Variants in GAB1 observed in about 807,000 individuals in gnomAD.
The protein encoded by GAB1 is GRB2 associated binding protein 1, also known as GRB2-associated-binding protein 1.
In GAB1, 19 loss-of-function variants were observed where a neutral mutation model predicts 66.5. That is an observed-to-expected ratio of 0.29 (90% CI 0.20 to 0.42). The LOEUF is 0.42. Ranked by LOEUF, GAB1 falls within the 10% of genes least tolerant of loss-of-function variation. The pLI is 1.00. For synonymous variants in GAB1, 294 were observed against 301.4 expected, an observed-to-expected ratio of 0.98 and a Z score of 0.25; for missense variants, 732 against 858.5, an observed-to-expected ratio of 0.85 and a Z score of 1.84.
intron 9 of GAB1, 125 bp from the exon 10 acceptor site, chr4:143,468,904 CAA>C (rs1035406919): frequency 8.6e-5 from 82 of 952,868 alleles, no homozygotes; most frequent in Non-Finnish European, 1.2e-4. Flanking sequence ...TCCTGGGCAA[CAA>C]GAGCAAAACT....
chr4:143,433,834 G>T (rs972072524), intron 3 of GAB1, 118 bp downstream of exon 3: 5 of 770,034 alleles, frequency 6.5e-6, no homozygotes, highest in Non-Finnish European at 1.1e-5. Flanking sequence ...GAGACCATCT[G>T]TATAGGCATA....
At chr4:143,444,731 AC>A (rs1263003172) in intron 6 of GAB1, among the ~76,000 whole-genome samples, 1 of 152,092 alleles carries the variant, frequency 6.6e-6, no homozygotes, top group Non-Finnish European at 1.5e-5. Flanking sequence ...TGAACATAGC[AC>A]CCAATCGTTA....
chr4:143,448,239 A>G (rs1312520578), intron 6 of GAB1, among the ~76,000 whole-genome samples: 1 of 151,742 alleles, frequency 6.6e-6, no homozygotes, highest in Non-Finnish European at 1.5e-5. Flanking sequence ...AAGGATATTG[A>G]TCTAAAATTC....
intron 1 of GAB1, among the ~76,000 whole-genome samples, chr4:143,397,477 G>T (rs576907641): frequency 6.6e-6 from 1 of 152,012 alleles, no homozygotes; most frequent in Non-Finnish European, 1.5e-5. Context: ...CTGCTGCTTC[G>T]TTGTTTTGTT....
intron 8 of GAB1, 36 bp from the exon 9 acceptor site, chr4:143,466,067 T>C (rs781486238): frequency 1.6e-5 from 26 of 1,610,198 alleles, no homozygotes; most frequent in Non-Finnish European, 2.2e-5. Context: ...GTCTGGTGAA[T>C]GTCTGACCGT....
intron 1 of GAB1, among the ~76,000 whole-genome samples, chr4:143,411,217 G>A (rs1238497829): frequency 1.3e-5 from 2 of 152,146 alleles, no homozygotes; most frequent in Non-Finnish European, 2.9e-5. Flanking sequence ...TGTAGGCACA[G>A]GGGGCAGTCA....
intron 1 of GAB1, among the ~76,000 whole-genome samples, chr4:143,376,242 G>A (rs1043036633): frequency 2.6e-5 from 4 of 152,162 alleles, no homozygotes; most frequent in African/African-American, 9.7e-5. Flanking sequence ...GGCTTGTAGG[G>A]TTATTTGTTT....
intron 6 of GAB1, among the ~76,000 whole-genome samples, chr4:143,454,661 T>A (rs1735087591): frequency 6.6e-6 from 1 of 152,196 alleles, no homozygotes; most frequent in Non-Finnish European, 1.5e-5. Flanking sequence ...CACCAGGGTT[T>A]GTGGAAATGT....
chr4:143,385,741 A>C (rs71610439), intron 1 of GAB1, among the ~76,000 whole-genome samples: 4,809 of 152,336 alleles, frequency 0.032, 81 homozygotes, highest in South Asian at 0.059. Context: ...GCCAGCAGAC[A>C]CCCTGCTAGA....
At chr4:143,351,502 G>GT (rs1340465093) in intron 1 of GAB1, among the ~76,000 whole-genome samples, 1 of 152,132 alleles carries the variant, frequency 6.6e-6, no homozygotes, top group Non-Finnish European at 1.5e-5. Flanking sequence ...GGTCTGGGGG[G>GT]TTTTTATAGG....
In GAB1 at chr4:143,413,390, C is replaced by A. The variant is rs569967639; in HGVS notation, c.73-2087C>A. ...ATCATGTGAATCCAACACTTTATGA[C>A]TTTTCAATATTATCTAAAACATCTA... On this transcript the variant is annotated intron_variant, in intron 1 of 9. Transcript: ENST00000262994. Among the ~76,000 whole-genome samples, 412 of 152,258 alleles carry A rather than the reference C, an allele frequency of 2.7e-3. 1 individual carries two copies. The highest frequency in any genetic ancestry group is 9.2e-3 in the African/African-American group (384 of 41,544).
intron 1 of GAB1, chr4:143,350,181 T>G (rs1013586912): frequency 1.5e-6 from 1 of 660,536 alleles, no homozygotes; most frequent in Non-Finnish European, 2.6e-6. Context: ...TTTTGTGTGC[T>G]CCTAAATGTA....
intron 3 of GAB1, among the ~76,000 whole-genome samples, chr4:143,436,142 A>G (rs1352025668): frequency 6.6e-6 from 1 of 152,218 alleles, no homozygotes; most frequent in African/African-American, 2.4e-5. Flanking sequence ...AGATGGAGAA[A>G]ACAAAAGCTT....
intron 2 of GAB1, chr4:143,425,444 A>G: frequency 2.6e-6 from 2 of 759,786 alleles, no homozygotes; most frequent in Non-Finnish European, 4.8e-6. Context: ...CCAGCCTCTC[A>G]TAGAGAGAGG....
At chr4:143,393,343 A>T (rs1731280012) in intron 1 of GAB1, among the ~76,000 whole-genome samples, 1 of 152,078 alleles carries the variant, frequency 6.6e-6, no homozygotes, top group African/African-American at 2.4e-5. Context: ...GTCCTCTGTC[A>T]TAGACAAATA....
intron 1 of GAB1, among the ~76,000 whole-genome samples, chr4:143,383,282 C>T (rs1730733435): frequency 6.6e-6 from 1 of 152,178 alleles, no homozygotes. Flanking sequence ...TGAGACTTGA[C>T]ATGCAGTTTA....
intron 1 of GAB1, chr4:143,349,686 CA>C: frequency 6.5e-7 from 1 of 1,535,504 alleles, no homozygotes; most frequent in South Asian, 1.1e-5. Context: ...AGAGCTTGGC[CA>C]GGATGATGGC....
rs569753389 is a variant in GAB1, at chr4:143,337,122, T to C, written c.-67T>C. ...CTCGCCACTGCGCGCTCGGCAGGCG[T>C]CGGCTGTGTCGGGAGCGCGCCCGCC... On this transcript the variant is annotated 5_prime_UTR_variant, in exon 1 of 10. Coordinates refer to ENST00000262994, the MANE Select transcript of GAB1 (RefSeq NM_002039.4). The C allele has an allele frequency of 1.4e-6, 2 of 1,416,504 alleles. No homozygotes were observed. Among genetic ancestry groups the C allele is most frequent in the Non-Finnish European group, 9.7e-7 (1 of 1,031,794 alleles). 87.7% of individuals were successfully genotyped at this position (1,416,504 alleles called of 1,614,324 possible). A position where few individuals can be genotyped will look rare whatever the true frequency, so the allele number is the denominator to read the frequency against.
At chr4:143,446,458 G>A (rs1187390878) in intron 6 of GAB1, among the ~76,000 whole-genome samples, 1 of 150,474 alleles carries the variant, frequency 6.6e-6, no homozygotes, top group Non-Finnish European at 1.5e-5. Context: ...AGCACCTGTT[G>A]TTTCCTGACT....
Sources: gnomAD v4.1 joint callset for allele counts (sites outside exome capture counted in the v4.1 genomes callset) on GRCh38, gnomAD v4.1.1 for gene constraint, MANE v1.5 for transcripts, NCBI Gene and HGNC (gene_info 2026-07-23, HGNC 2026-07-21) for gene names.